The following ACO1 variants were observed in gnomAD, a reference collection of about 807,000 sequenced individuals.
The protein encoded by ACO1 is aconitase 1.
In ACO1, 78 loss-of-function variants were observed where a neutral mutation model predicts 105.1. The observed-to-expected ratio is 0.74, with a 90% CI of 0.62 to 0.90. The LOEUF (loss-of-function observed/expected upper bound fraction) is 0.90, where lower values mean the gene tolerates loss of function less well. Among genes scored for constraint, ACO1 ranks in the 40% least tolerant of loss-of-function variants. The pLI, the probability that ACO1 is intolerant of heterozygous loss-of-function variation, is 0.00. For synonymous variants in ACO1, 364 were observed against 397.4 expected (o/e 0.92, Z 1.00); for missense variants, 965 against 1,111.1 (o/e 0.87, Z 1.87).
At chr9:32,445,705 T>G (rs2118574393) in intron 19 of ACO1, 1 of 217,270 alleles carries the variant, frequency 4.6e-6, no homozygotes, top group Non-Finnish European at 9.6e-6. Context: ...ACTGTGATGT[T>G]AGGATGTCGA....
At chr9:32,389,197 A>C (rs1821214383) in intron 1 of ACO1, among the ~76,000 whole-genome samples, 1 of 152,220 alleles carries the variant, frequency 6.6e-6, no homozygotes, top group South Asian at 2.1e-4. Context: ...TGTATTTCTG[A>C]GGAGAGAAAG....
chr9:32,407,185 A>T (rs1002478732), intron 2 of ACO1, 76 bp from the exon 3 acceptor site: 6 of 1,366,254 alleles, frequency 4.4e-6, no homozygotes, highest in Admixed American at 1.8e-5. Flanking sequence ...TATCAACTTT[A>T]TATAGAGATT....
chr9:32,407,018 A>G (rs7875458), intron 2 of ACO1, among the ~76,000 whole-genome samples: 150,623 of 152,176 alleles, frequency 0.99, 74,568 homozygotes, highest in Non-Finnish European at 1. Context: ...TCTTGACCTC[A>G]TGATCCGCCC....
At chr9:32,408,438 A>T in intron 3 of ACO1, 76 bp from the exon 4 acceptor site, 1 of 1,555,188 alleles carries the variant, frequency 6.4e-7, no homozygotes, top group African/African-American at 1.4e-5. Flanking sequence ...AATATTATCA[A>T]TGGAGGCAAA....
chr9:32,387,154 G>A (rs914880793), intron 1 of ACO1, among the ~76,000 whole-genome samples: 1 of 152,150 alleles, frequency 6.6e-6, no homozygotes, highest in African/African-American at 2.4e-5. Context: ...AATTTCCTGT[G>A]AGGCAGCCAG....
chr9:32,404,824 G>A (rs1475215888), intron 1 of ACO1, among the ~76,000 whole-genome samples: 1 of 152,200 alleles, frequency 6.6e-6, no homozygotes, highest in East Asian at 1.9e-4. Context: ...TTCTCAAGCT[G>A]AACGTGTGTC....
chr9:32,432,923 T>C, intron 15 of ACO1, among the ~76,000 whole-genome samples: 1 of 152,244 alleles, frequency 6.6e-6, no homozygotes, highest in Non-Finnish European at 1.5e-5. Flanking sequence ...GGCTCACTCA[T>C]GTGGCTATTG....
At chr9:32,446,852 T>G (rs563537347) in intron 19 of ACO1, among the ~76,000 whole-genome samples, 10 of 152,200 alleles carry the variant, frequency 6.6e-5, no homozygotes, top group Non-Finnish European at 1.3e-4. Flanking sequence ...GAAGCTTAGT[T>G]CGGCTGGATA....
rs57615512 is a variant in ACO1, at chr9:32,399,966, G to GTTTTTTTTTTTTTTTT, written c.-22-5512_-22-5497dup. 1.4e-4 allele frequency among the ~76,000 whole-genome samples: 10 copies of GTTTTTTTTTTTTTTTT among 69,824 alleles called. 2 individuals are homozygous for GTTTTTTTTTTTTTTTT. Among genetic ancestry groups the GTTTTTTTTTTTTTTTT allele is most frequent in the African/African-American group, 3.7e-4 (6 of 16,318 alleles). The allele number at this position is 69,824 out of a possible 152,430, so 45.8% of individuals were successfully genotyped here. On this transcript the variant is annotated intron_variant, in intron 1 of 20. Coordinates refer to ENST00000309951, the MANE Select transcript of ACO1 (RefSeq NM_002197.3). ...ATTTCTTTTATTTTTTTCTTTTTCT[G>GTTTTTTTTTTTTTTTT]TTTTTTTTTTTTTTTTTTTTTTGCG...
intron 10 of ACO1, 112 bp from the exon 11 acceptor site, chr9:32,425,726 C>T (rs1301231897): frequency 3.0e-6 from 2 of 671,110 alleles, no homozygotes; most frequent in South Asian, 3.2e-5. Context: ...CAAAGTATTC[C>T]TTCTTCTCAA....
At chr9:32,431,664 A>T in intron 14 of ACO1, 55 bp from the exon 15 acceptor site, 1 of 1,599,934 alleles carries the variant, frequency 6.3e-7, no homozygotes, top group Non-Finnish European at 8.6e-7. Flanking sequence ...ACTCTGTATA[A>T]TCATGAAAAT....
intron 11 of ACO1, among the ~76,000 whole-genome samples, chr9:32,427,019 A>G (rs964365920): frequency 2.6e-5 from 4 of 152,198 alleles, no homozygotes; most frequent in African/African-American, 9.7e-5. Flanking sequence ...TATATTCCTA[A>G]ATGGTTTTAC....
intron 1 of ACO1, among the ~76,000 whole-genome samples, chr9:32,392,376 C>G (rs1346556904): frequency 6.6e-6 from 1 of 152,224 alleles, no homozygotes; most frequent in East Asian, 1.9e-4. Flanking sequence ...GCCCTTGTCA[C>G]AAAGTTGCCA....
At position 32,431,785 on chromosome 9, in the gene ACO1, C is replaced by A. The variant is rs188187425; in HGVS notation, c.1793C>A (p.Ala598Glu). Residue 598 changes from alanine (A) to glutamate (E), a missense_variant, in exon 15 of 21, where the codon GCA (alanine) becomes GAA (glutamate). By Grantham distance (107) the Ala-to-Glu change is moderately radical. Transcript: ENST00000309951. The stretch of plus-strand genomic sequence containing the variant: ...TGGCCGACTAGAGACGAGATCCAGG[C>A]AGTGGAGCGTCAGTATGTCATCCCG... Reference protein sequence around the residue: ...DIWPTRDEIQAVERQYVIPGM... With the variant: ...DIWPTRDEIQEVERQYVIPGM... The A allele has an allele frequency of 6.2e-7, 1 of 1,614,066 alleles. No homozygotes were observed. Among genetic ancestry groups the A allele is most frequent in the East Asian group, 2.2e-5 (1 of 44,882 alleles).
intron 19 of ACO1, among the ~76,000 whole-genome samples, chr9:32,446,514 A>G (rs976510062): frequency 1.8e-4 from 27 of 152,132 alleles, no homozygotes; most frequent in African/African-American, 6.5e-4. Context: ...TGAATGCAGC[A>G]CACTGATGGG....
At chr9:32,415,643 G>A (rs752325523) in intron 4 of ACO1, among the ~76,000 whole-genome samples, 1 of 152,146 alleles carries the variant, frequency 6.6e-6, no homozygotes, top group African/African-American at 2.4e-5. Context: ...GCTGTGTCTC[G>A]TCCAGAGGGT....
chr9:32,433,815 C>G lies in ACO1; in HGVS notation c.1939C>G (p.Pro647Ala). The change falls in exon 16 of 21, where the codon CCA becomes GCA. Residue 647 changes from proline (P) to alanine (A), a missense_variant. Physicochemically the swap from Pro to Ala is conservative, Grantham distance 27. Transcript: ENST00000309951. Reference protein sequence around the residue: ...NSKSTYIKSPPFFENLTLDLQ... With the variant: ...NSKSTYIKSPAFFENLTLDLQ... ...CAAATCTACGTATATCAAATCACCA[C>G]CATTCTTTGAAAACCTGGTATGGCT... 1.2e-6 allele frequency: 2 copies of G among 1,606,824 alleles called. No individual in the cohort carries two copies. The highest frequency in any genetic ancestry group is 1.7e-6 in the Non-Finnish European group (2 of 1,177,944).
intron 6 of ACO1, 83 bp from the exon 7 acceptor site, chr9:32,418,955 C>T (rs1487537489): frequency 7.8e-6 from 11 of 1,418,084 alleles, no homozygotes; most frequent in Non-Finnish European, 7.5e-6. Flanking sequence ...GGGTTTATTA[C>T]CTGTTAATGT....
intron 19 of ACO1, among the ~76,000 whole-genome samples, chr9:32,441,951 G>A (rs1320070707): frequency 6.6e-6 from 1 of 152,176 alleles, no homozygotes; most frequent in Admixed American, 6.5e-5. Context: ...GACATGAATA[G>A]GGTGTGTTTA....
Sources: gnomAD v4.1 joint callset for allele counts (sites outside exome capture counted in the v4.1 genomes callset) on GRCh38, gnomAD v4.1.1 for gene constraint, MANE v1.5 for transcripts, NCBI Gene and HGNC (gene_info 2026-07-23, HGNC 2026-07-21) for gene names.